Variants in NFIC observed in about 807,000 individuals in gnomAD.
The protein encoded by NFIC is nuclear factor 1 C-type.
A neutral mutation model predicts 54.4 loss-of-function variants in NFIC; 12 were observed. That is an observed-to-expected ratio of 0.22 (90% CI 0.14 to 0.36). The LOEUF is 0.36. Among genes scored for constraint, NFIC ranks in the 10% least tolerant of loss-of-function variants. The pLI, the probability that NFIC is intolerant of heterozygous loss-of-function variation, is 1.00. For missense variants in NFIC, 575 were observed against 718.2 expected, an observed-to-expected ratio of 0.80 and a Z score of 2.28; for synonymous variants, 322 against 319.2, an observed-to-expected ratio of 1.01 and a Z score of -0.09.
chr19:3,425,261 C>T, intron 3 of NFIC, 84 bp downstream of exon 3: 2 of 1,449,826 alleles, frequency 1.4e-6, no homozygotes, highest in Admixed American at 4.1e-5. Context: ...TTGCTTGGCA[C>T]CACTCGTTTT....
chr19:3,467,220 C>T lies in NFIC; in HGVS notation c.*4451C>T, dbSNP rs1280179163. ...CACCACACCTATGCCAGGCCCCCCC[C>T]CCCACCCCAGTCTCATTCTGGGGTC... On this transcript the variant is annotated 3_prime_UTR_variant, in exon 11 of 11. Transcript: ENST00000443272. 1 of 128,638 alleles carries T rather than the reference C, an allele frequency of 7.8e-6. No individual in the cohort carries two copies. Among genetic ancestry groups the T allele is most frequent in the African/African-American group, 2.9e-5 (1 of 35,050 alleles). The allele number at this position is 128,638 out of a possible 1,614,324, so 8.0% of individuals were successfully genotyped here.
chr19:3,387,100 G>A (rs2081308626), intron 2 of NFIC, among the ~76,000 whole-genome samples: 1 of 152,220 alleles, frequency 6.6e-6, no homozygotes, highest in Admixed American at 6.5e-5. Context: ...GGGAGGGACG[G>A]GCATCAGGCA....
chr19:3,445,711 C>T (rs1271889169), intron 6 of NFIC, among the ~76,000 whole-genome samples: 1 of 152,184 alleles, frequency 6.6e-6, no homozygotes, highest in Non-Finnish European at 1.5e-5. Flanking sequence ...GGGCTGCAGC[C>T]ATCAGAGAGG....
intron 2 of NFIC, among the ~76,000 whole-genome samples, chr19:3,417,270 C>G (rs2081876431): frequency 6.6e-6 from 1 of 152,124 alleles, no homozygotes; most frequent in South Asian, 2.1e-4. Flanking sequence ...AGTGAGACCC[C>G]CATCTCAAAG....
chr19:3,371,561 A>G (rs971405038), intron 1 of NFIC: 2 of 152,058 alleles, frequency 1.3e-5, no homozygotes, highest in African/African-American at 4.8e-5. Context: ...CCGAGCCTCC[A>G]TTTCTCCGCC....
At chr19:3,457,603 T>C (rs1599729340) in intron 10 of NFIC, among the ~76,000 whole-genome samples, 1 of 151,504 alleles carries the variant, frequency 6.6e-6, no homozygotes, top group Non-Finnish European at 1.5e-5. Context: ...GCCCGGGAGG[T>C]CCAGACTCAG....
chr19:3,436,309 ATTTTTTT>A (rs71166903), intron 6 of NFIC, among the ~76,000 whole-genome samples: 8 of 85,508 alleles, frequency 9.4e-5, no homozygotes, highest in Non-Finnish European at 1.2e-4. Flanking sequence ...TGCGCCGTTA[ATTTTTTT>A]TTTTTTTTTT....
intron 3 of NFIC, among the ~76,000 whole-genome samples, chr19:3,428,031 G>C (rs999998074): frequency 3.3e-5 from 5 of 150,966 alleles, no homozygotes; most frequent in Non-Finnish European, 7.4e-5. Context: ...TTAGCCAGGC[G>C]TGGAGGCACA....
intron 2 of NFIC, among the ~76,000 whole-genome samples, chr19:3,405,170 G>C (rs2081627379): frequency 6.6e-6 from 1 of 152,252 alleles, no homozygotes; most frequent in African/African-American, 2.4e-5. Flanking sequence ...GAGGGAGATG[G>C]AAAGTATGGG....
intron 7 of NFIC, among the ~76,000 whole-genome samples, chr19:3,450,910 A>G (rs2082452683): frequency 6.6e-6 from 1 of 152,172 alleles, no homozygotes; most frequent in African/African-American, 2.4e-5. Context: ...AACAGCCACG[A>G]CCACGTCTTT....
intron 10 of NFIC, among the ~76,000 whole-genome samples, chr19:3,461,037 A>G (rs2082630805): frequency 4.6e-5 from 7 of 151,928 alleles, no homozygotes; most frequent in Admixed American, 4.6e-4. Context: ...AGGCAAGAAA[A>G]TCACTTGAAC....
At chr19:3,384,546 G>A (rs572696278) in intron 2 of NFIC, among the ~76,000 whole-genome samples, 3 of 152,000 alleles carry the variant, frequency 2.0e-5, no homozygotes, top group African/African-American at 4.8e-5. Flanking sequence ...CTGCCACCAC[G>A]CCTGGCTAAT....
chr19:3,367,381 G>A lies in NFIC; in HGVS notation c.30+715G>A, dbSNP rs545459127. 1.4e-3 allele frequency among the ~76,000 whole-genome samples: 215 copies of A among 152,194 alleles called. 1 individual carries two copies. Among genetic ancestry groups the A allele is most frequent in the African/African-American group, 5.0e-3 (208 of 41,506 alleles). On this transcript the variant is annotated intron_variant, in intron 1 of 10. Transcript: ENST00000443272. ...ATTCTGGATTCTGGATTCTGGAGCC[G>A]CCGCCGGGAGGAGCGGGAGGCCCGG...
At position 3,370,532 on chromosome 19, in the gene NFIC, T is replaced by A; in HGVS notation, c.30+3866T>A. The stretch of plus-strand genomic sequence containing the variant: ...CCCTCCCTTTCTCCCCCCATCTCGC[T>A]CTCTCCTCCTCTCTCCCTCTCTCCT... On this transcript the variant is annotated intron_variant, in intron 1 of 10. Coordinates refer to ENST00000443272, the MANE Select transcript of NFIC (RefSeq NM_001245002.2). This position sits in a 1 kb window ranked among gnomAD's most constrained non-coding sequence, Gnocchi z 5.2. Among the ~76,000 whole-genome samples the A allele has an allele frequency of 6.8e-6, 1 of 146,658 alleles. No individual in the cohort carries two copies. The highest frequency in any genetic ancestry group is 2.5e-5 in the African/African-American group (1 of 39,786).
chr19:3,461,854 G>T (rs2082643413), intron 10 of NFIC, among the ~76,000 whole-genome samples: 1 of 151,946 alleles, frequency 6.6e-6, no homozygotes. Context: ...AAGAGAGTGA[G>T]ACCATCCTGG....
chr19:3,374,462 C>G (rs2081071813), intron 1 of NFIC, among the ~76,000 whole-genome samples: 1 of 152,202 alleles, frequency 6.6e-6, no homozygotes, highest in Admixed American at 6.5e-5. Flanking sequence ...TGAGGCTTAT[C>G]TGAGGTGATC....
chr19:3,467,656 A>G lies in NFIC; in HGVS notation c.*4887A>G, dbSNP rs1422938002. On this transcript the variant is annotated 3_prime_UTR_variant, in exon 11 of 11. Transcript: ENST00000443272. The stretch of plus-strand genomic sequence containing the variant: ...CCCTTGCAAGACAGGTTCTGGAGCC[A>G]GGAGCAACTGTCCAGCCCTCCAGAA... 1.3e-5 allele frequency: 2 copies of G among 150,478 alleles called. No homozygotes were observed. Among genetic ancestry groups the G allele is most frequent in the Non-Finnish European group, 3.0e-5 (2 of 67,740 alleles). 9.3% of individuals were successfully genotyped at this position (150,478 alleles called of 1,614,324 possible).
At position 3,462,274 on chromosome 19, in the gene NFIC, C is replaced by T. The variant is rs1025463728; in HGVS notation, c.1510-478C>T. 5.3e-5 allele frequency among the ~76,000 whole-genome samples: 8 copies of T among 151,646 alleles called. 1 individual carries two copies. Among genetic ancestry groups the T allele is most frequent in the Admixed American group, 2.6e-4 (4 of 15,218 alleles). On this transcript the variant is annotated intron_variant, in intron 10 of 10. Transcript: ENST00000443272. ...GTGGACGCCTGTAATCCCAGCTACT[C>T]GGGAGGCTGAGGTAGGAGAATTGCT...
chr19:3,383,878 T>G (rs1398037722), intron 2 of NFIC, among the ~76,000 whole-genome samples: 1 of 152,180 alleles, frequency 6.6e-6, no homozygotes, highest in Non-Finnish European at 1.5e-5. Context: ...GACACAGCCC[T>G]TCTTTTCCCC....
Sources: allele counts gnomAD v4.1 joint callset (sites outside exome capture counted in the v4.1 genomes callset), GRCh38; gene constraint gnomAD v4.1.1; non-coding constraint Gnocchi (gnomAD v3.1); transcripts MANE v1.5; gene names NCBI Gene and HGNC (gene_info 2026-07-23, HGNC 2026-07-21).